The following RAPGEF2 variants were observed in gnomAD, a reference collection of about 807,000 sequenced individuals.
RAPGEF2 encodes the protein Rap guanine nucleotide exchange factor 2, also known as PDZ domain containing guanine nucleotide exchange factor (GEF) 1.
In RAPGEF2, 54 loss-of-function variants were observed where a neutral mutation model predicts 186.7. The observed-to-expected ratio is 0.29, with a 90% CI of 0.23 to 0.36. RAPGEF2 has a LOEUF of 0.36. Among genes scored for constraint, RAPGEF2 ranks in the 10% least tolerant of loss-of-function variants. The pLI is 1.00. For missense variants in RAPGEF2, 1,532 were observed against 2,045.0 expected (o/e 0.75, Z 4.84); for synonymous variants, 712 against 705.9 (o/e 1.01, Z -0.14).
At position 159,104,210 on chromosome 4, in the gene RAPGEF2, T is replaced by TGGGGGCGGGGGGGGGGGG; in HGVS notation, c.48_49insGGGGGCGGGGGGGGGGGG (p.Asn16_Pro17insGlyGlyGlyGlyGlyGly). On this transcript the variant is annotated inframe_insertion, in exon 1 of 30. Coordinates refer to ENST00000691494, the MANE Select transcript of RAPGEF2 (RefSeq NM_001394067.2). ...GCTTCCGCCAGGCGGTGATGAAGAA[T>TGGGGGCGGGGGGGGGGGG]CCCCCCGAAAGGACCCCCCAGGTGA... The TGGGGGCGGGGGGGGGGGG allele has an allele frequency of 1.5e-6, 2 of 1,302,454 alleles. No individual in the cohort carries two copies. Among genetic ancestry groups the TGGGGGCGGGGGGGGGGGG allele is most frequent in the East Asian group, 5.2e-5 (1 of 19,412 alleles). 80.7% of individuals were successfully genotyped at this position (1,302,454 alleles called of 1,614,324 possible).
chr4:159,322,495 T>C lies in RAPGEF2; in HGVS notation c.990+12T>C, dbSNP rs754061794. 2 of 1,609,422 alleles carry C rather than the reference T, an allele frequency of 1.2e-6. No individual in the cohort carries two copies. The highest frequency in any genetic ancestry group is 3.4e-5 in the Admixed American group (2 of 59,560). Reference sequence around the variant, plus strand: ...ATGATGGTGAAGAGGTGAGTAACTATTCCTACCACTTAAAAAGTTTCTTCT... The same window carrying C: ...ATGATGGTGAAGAGGTGAGTAACTACTCCTACCACTTAAAAAGTTTCTTCT... On this transcript the variant is annotated intron_variant, in intron 10 of 29. Transcript: ENST00000691494.
At chr4:159,342,618 TAC>T (rs1491262804) in intron 20 of RAPGEF2, among the ~76,000 whole-genome samples, 21 of 148,028 alleles carry the variant, frequency 1.4e-4, no homozygotes, top group South Asian at 4.2e-4. Context: ...TTTATTTTAT[TAC>T]TAGAGGATAT....
chr4:159,182,835 T>C (rs1747164117), intron 1 of RAPGEF2, among the ~76,000 whole-genome samples: 1 of 152,208 alleles, frequency 6.6e-6, no homozygotes, highest in Non-Finnish European at 1.5e-5. Flanking sequence ...AAAGTTTTTT[T>C]TCTTAATTAA....
intron 11 of RAPGEF2, chr4:159,327,182 A>G (rs1317284691): frequency 6.6e-6 from 1 of 152,268 alleles, no homozygotes; most frequent in Non-Finnish European, 1.5e-5. Flanking sequence ...TTACTTAAAT[A>G]CAAATTATAA....
At chr4:159,281,077 C>T (rs535174814) in intron 7 of RAPGEF2, among the ~76,000 whole-genome samples, 38 of 151,740 alleles carry the variant, frequency 2.5e-4, no homozygotes, top group Non-Finnish European at 4.3e-4. Context: ...CCTCTACTTC[C>T]GCCTCCCGGG....
chr4:159,152,935 AAGTGT>A (rs1215350162), intron 1 of RAPGEF2, among the ~76,000 whole-genome samples: 1 of 152,120 alleles, frequency 6.6e-6, no homozygotes, highest in East Asian at 1.9e-4. Flanking sequence ...TATATTTTAA[AAGTGT>A]TCTTAGCTGA....
intron 26 of RAPGEF2, among the ~76,000 whole-genome samples, chr4:159,351,535 A>T (rs1731171808): frequency 6.6e-6 from 1 of 152,236 alleles, no homozygotes; most frequent in Non-Finnish European, 1.5e-5. Context: ...GGCATTGAAG[A>T]AATTTGCATT....
Position 159,300,799 on chromosome 4 carries a change from T to A in RAPGEF2, c.544-3543T>A, listed in dbSNP as rs1328820084. ...AGTTTAGAGTAAGGGATGCTTGCTG[T>A]CACGTTGTGCCTTGTATATATTTCT... On this transcript the variant is annotated intron_variant, in intron 7 of 29. Coordinates refer to ENST00000691494, the MANE Select transcript of RAPGEF2 (RefSeq NM_001394067.2). Among the ~76,000 whole-genome samples the A allele has an allele frequency of 5.9e-5, 9 of 152,326 alleles. No homozygotes were observed. The South Asian group carries it at 6.2e-4, about 11-fold the overall frequency.
chr4:159,252,041 C>G (rs1755505418), intron 7 of RAPGEF2, among the ~76,000 whole-genome samples: 1 of 152,164 alleles, frequency 6.6e-6, no homozygotes, highest in South Asian at 2.1e-4. Context: ...GGAACAAACT[C>G]TGGACACACC....
Position 159,322,749 on chromosome 4 carries a change from A to G in RAPGEF2, c.990+266A>G, listed in dbSNP as rs549566133. ...GCTGGGGAGGCCTCAGAATCATGGC[A>G]GGCGGTGAAAGGCACTTCTTACATG... On this transcript the variant is annotated intron_variant, in intron 10 of 29. Coordinates refer to ENST00000691494, the MANE Select transcript of RAPGEF2 (RefSeq NM_001394067.2). Among the ~76,000 whole-genome samples the G allele has an allele frequency of 1.2e-4, 18 of 152,310 alleles. 1 individual carries two copies. In the East Asian group the frequency reaches 1.3e-3, roughly 11 times the overall value.
At position 159,352,861 on chromosome 4, in the gene RAPGEF2, G is replaced by T; in HGVS notation, c.4042G>T (p.Gly1348Cys). ...CATCGTGGAAACAAACCTAGGGATG[G>T]GCAGGATGGAGAGGCGGACCATGAT... is the stretch of plus-strand genomic sequence containing the variant. ...VSIVETNLGM[G>C]RMERRTMIEP... The change falls in exon 27 of 30, where the codon GGC becomes TGC. Residue 1348 changes from glycine (G) to cysteine (C), a missense_variant. Around this residue, in one of 4 missense-constraint regions of RAPGEF2, gnomAD observed 594 missense variants for 608.5 expected, o/e 0.98. Coordinates refer to ENST00000691494, the MANE Select transcript of RAPGEF2 (RefSeq NM_001394067.2). 11 of 1,614,220 alleles carry T rather than the reference G, an allele frequency of 6.8e-6. No homozygotes were observed. Among genetic ancestry groups the T allele is most frequent in the Non-Finnish European group, 9.3e-6 (11 of 1,180,044 alleles).
chr4:159,164,174 T>C (rs1745033768), intron 1 of RAPGEF2, among the ~76,000 whole-genome samples: 1 of 152,096 alleles, frequency 6.6e-6, no homozygotes, highest in African/African-American at 2.4e-5. Context: ...CCAGCTAATT[T>C]TTTGTATTTT....
intron 17 of RAPGEF2, among the ~76,000 whole-genome samples, chr4:159,333,096 C>T (rs949843805): frequency 2.0e-5 from 3 of 152,126 alleles, no homozygotes; most frequent in Non-Finnish European, 2.9e-5. Context: ...TCTCCTGCTT[C>T]AGTCTCCCGA....
chr4:159,247,184 A>G (rs535303277), intron 7 of RAPGEF2, among the ~76,000 whole-genome samples: 5 of 152,270 alleles, frequency 3.3e-5, no homozygotes, highest in South Asian at 4.1e-4. Flanking sequence ...GAAAAGCTCA[A>G]TATTTTCATT....
chr4:159,148,051 A>C (rs1056346557), intron 1 of RAPGEF2, among the ~76,000 whole-genome samples: 10 of 152,186 alleles, frequency 6.6e-5, no homozygotes, highest in African/African-American at 2.4e-4. Context: ...TATTTTATGA[A>C]CTTTTTTAAA....
intron 7 of RAPGEF2, among the ~76,000 whole-genome samples, chr4:159,296,784 A>C (rs181799203): frequency 1.8e-4 from 28 of 152,332 alleles, no homozygotes; most frequent in African/African-American, 5.8e-4. Flanking sequence ...TGGTACTTAG[A>C]TCATGCAGTT....
rs574723686 is a variant in RAPGEF2, at chr4:159,136,037, A to T, written c.69+31806A>T. Among the ~76,000 whole-genome samples the T allele has an allele frequency of 8.5e-5, 13 of 152,376 alleles. No individual in the cohort carries two copies. In the South Asian group the frequency reaches 2.7e-3, roughly 32 times the overall value. ...TACATTTGTCAAAAGTAAGACATTA[A>T]TATTGAATCAATACCATTAACTGCA... is the stretch of plus-strand genomic sequence containing the variant. On this transcript the variant is annotated intron_variant, in intron 1 of 29. Coordinates refer to ENST00000691494, the MANE Select transcript of RAPGEF2 (RefSeq NM_001394067.2).
At chr4:159,126,961 T>C (rs1740383738) in intron 1 of RAPGEF2, among the ~76,000 whole-genome samples, 1 of 152,214 alleles carries the variant, frequency 6.6e-6, no homozygotes, top group African/African-American at 2.4e-5. Flanking sequence ...TACGTTTGAA[T>C]TGATTTTGTA....
At chr4:159,153,173 TGA>T (rs1743750709) in intron 1 of RAPGEF2, among the ~76,000 whole-genome samples, 1 of 152,192 alleles carries the variant, frequency 6.6e-6, no homozygotes, top group African/African-American at 2.4e-5. Flanking sequence ...GCAGTGGACT[TGA>T]GTTGATTTTG....
Sources: gnomAD v4.1 joint callset for allele counts (sites outside exome capture counted in the v4.1 genomes callset) on GRCh38, gnomAD v4.1.1 for gene constraint, gnomAD v4.1.1 regional missense constraint, MANE v1.5 for transcripts, NCBI Gene and HGNC (gene_info 2026-07-23, HGNC 2026-07-21) for gene names.